Variants in RPS6KA5 observed in about 807,000 individuals in gnomAD.
The protein encoded by RPS6KA5 is ribosomal protein S6 kinase alpha-5.
RPS6KA5 carries 27 observed loss-of-function variants against 85.5 expected under a neutral mutation model. The ratio of observed to expected loss-of-function variants is 0.32; its 90% CI spans 0.23 to 0.44. The LOEUF (loss-of-function observed/expected upper bound fraction) is 0.44. Among genes scored for constraint, RPS6KA5 ranks in the 20% least tolerant of loss-of-function variants. The pLI is 1.00. For missense variants in RPS6KA5, 811 were observed against 980.9 expected, an observed-to-expected ratio of 0.83 and a Z score of 2.31; for synonymous variants, 334 against 348.2, an observed-to-expected ratio of 0.96 and a Z score of 0.46.
chr14:90,987,508 G>GA (rs1241867124), intron 2 of RPS6KA5, among the ~76,000 whole-genome samples: 13 of 152,040 alleles, frequency 8.6e-5, no homozygotes, highest in African/African-American at 1.9e-4. Flanking sequence ...AGATTGGAGG[G>GA]AAAAAAAGCT....
intron 7 of RPS6KA5, among the ~76,000 whole-genome samples, chr14:90,910,689 T>TA (rs1566729200): frequency 7.9e-4 from 110 of 138,482 alleles, no homozygotes; most frequent in South Asian, 4.0e-3. Flanking sequence ...ATTATTATTT[T>TA]TTTTTTTTTT....
intron 3 of RPS6KA5, among the ~76,000 whole-genome samples, chr14:90,975,188 T>TA (rs369751132): frequency 4.2e-4 from 62 of 147,378 alleles, no homozygotes; most frequent in African/African-American, 1.3e-3. Flanking sequence ...AACACATATT[T>TA]AAAAAAAAAA....
In RPS6KA5 at chr14:91,060,620, C is replaced by G. The variant is rs542600000; in HGVS notation, c.-186G>C. Reference sequence around the variant, plus strand: ...GCTCGCTCCTCGCCTCCTCCCCCTTCGGCGGGCACCGCTAGTACCGCGCAA... The same window carrying G: ...GCTCGCTCCTCGCCTCCTCCCCCTTGGGCGGGCACCGCTAGTACCGCGCAA... On this transcript the variant is annotated 5_prime_UTR_variant, in exon 1 of 17. Transcript: ENST00000614987. 7.7e-6 allele frequency: 6 copies of G among 778,052 alleles called. No homozygotes were observed. The highest frequency in any genetic ancestry group is 1.0e-5 in the Non-Finnish European group (6 of 574,432). 48.2% of individuals were successfully genotyped at this position (778,052 alleles called of 1,614,324 possible). A position where few individuals can be genotyped will look rare whatever the true frequency, so the allele number is the denominator to read the frequency against.
At chr14:90,925,830 A>C (rs1330644316) in intron 5 of RPS6KA5, among the ~76,000 whole-genome samples, 1 of 151,000 alleles carries the variant, frequency 6.6e-6, no homozygotes, top group Non-Finnish European at 1.5e-5. Flanking sequence ...AGTCCCAGCT[A>C]CTTGGGAGAC....
chr14:90,851,037 T>C lies in RPS6KA5; in HGVS notation c.*21037A>G, dbSNP rs547174517. ...CTACAGAGAAGTGGGTAAAGATACTTTTATTTTATTTTTTTTTTGAGACAG... is the reference window on the plus strand; with the variant it reads ...CTACAGAGAAGTGGGTAAAGATACTCTTATTTTATTTTTTTTTTGAGACAG... On this transcript the variant is annotated 3_prime_UTR_variant, in exon 17 of 17. Coordinates refer to ENST00000614987, the MANE Select transcript of RPS6KA5 (RefSeq NM_004755.4). 6.6e-6 allele frequency: 1 copy of C among 151,826 alleles called. No individual in the cohort carries two copies. The highest frequency in any genetic ancestry group is 2.1e-4 in the South Asian group (1 of 4,828). 9.4% of individuals were successfully genotyped at this position (151,826 alleles called of 1,614,324 possible).
chr14:90,998,806 T>C (rs558746396), intron 2 of RPS6KA5, among the ~76,000 whole-genome samples: 1 of 152,348 alleles, frequency 6.6e-6, no homozygotes, highest in East Asian at 1.9e-4. Context: ...TATTCACTGG[T>C]AGCTGTAAAG....
intron 2 of RPS6KA5, among the ~76,000 whole-genome samples, chr14:90,999,005 G>A (rs962412401): frequency 6.6e-6 from 1 of 152,156 alleles, no homozygotes; most frequent in African/African-American, 2.4e-5. Flanking sequence ...TGAGGAGGGT[G>A]GATCACGAGG....
chr14:90,947,103 A>AT (rs2037912472), intron 4 of RPS6KA5, among the ~76,000 whole-genome samples: 1 of 152,228 alleles, frequency 6.6e-6, no homozygotes, highest in Non-Finnish European at 1.5e-5. Context: ...AAGGAAATAC[A>AT]TATTATGACT....
rs1286261 is a variant in RPS6KA5 at position 90,879,781 on chromosome 14, A to G, written c.1837-4421T>C. Among the ~76,000 whole-genome samples, 42 of 128,958 alleles carry G rather than the reference A, an allele frequency of 3.3e-4. 1 individual carries two copies. The highest frequency in any genetic ancestry group is 1.1e-3 in the African/African-American group (36 of 32,914). The allele number at this position is 128,958 out of a possible 152,430, so 84.6% of individuals were successfully genotyped here. ...TAGAATATCTTTCTCTCCACTCCTA[A>G]TTTTTTTTTTTTTTTTTTTGAGTTG... On this transcript the variant is annotated intron_variant, in intron 14 of 16. Coordinates refer to ENST00000614987, the MANE Select transcript of RPS6KA5 (RefSeq NM_004755.4).
At chr14:90,989,887 G>A (rs1338519408) in intron 2 of RPS6KA5, among the ~76,000 whole-genome samples, 1 of 152,142 alleles carries the variant, frequency 6.6e-6, no homozygotes, top group African/African-American at 2.4e-5. Context: ...GGGCAACAGG[G>A]TTGGAAAAAT....
chr14:91,044,591 A>G (rs1368368854), intron 1 of RPS6KA5, among the ~76,000 whole-genome samples: 2 of 152,122 alleles, frequency 1.3e-5, no homozygotes, highest in African/African-American at 4.8e-5. Flanking sequence ...TTGAAGACCC[A>G]GGCTGGGTGC....
At chr14:90,896,594 T>TA (rs1049017250) in intron 12 of RPS6KA5, among the ~76,000 whole-genome samples, 5 of 152,156 alleles carry the variant, frequency 3.3e-5, no homozygotes, top group South Asian at 2.1e-4. Flanking sequence ...GGCAAGATCT[T>TA]AGAGTGATGC....
chr14:90,976,303 C>T (rs777635810), intron 3 of RPS6KA5, among the ~76,000 whole-genome samples: 1 of 151,320 alleles, frequency 6.6e-6, no homozygotes, highest in Non-Finnish European at 1.5e-5. Flanking sequence ...CAGCTTCTGA[C>T]TCGGACAACC....
intron 3 of RPS6KA5, among the ~76,000 whole-genome samples, chr14:90,975,854 G>C (rs977491085): frequency 3.9e-5 from 6 of 152,162 alleles, no homozygotes; most frequent in Non-Finnish European, 7.3e-5. Context: ...GAATAATTGT[G>C]TTAAATAAAT....
intron 2 of RPS6KA5, among the ~76,000 whole-genome samples, chr14:90,999,470 C>G (rs2040684384): frequency 6.6e-6 from 1 of 152,018 alleles, no homozygotes; most frequent in Non-Finnish European, 1.5e-5. Context: ...CCCTGGTCTT[C>G]CAGGAAAAGA....
At chr14:90,996,184 G>T (rs938993054) in intron 2 of RPS6KA5, among the ~76,000 whole-genome samples, 117 of 147,662 alleles carry the variant, frequency 7.9e-4, no homozygotes, top group African/African-American at 2.9e-3. Flanking sequence ...AGGCTAATTT[G>T]TTTTTTTTGT....
At chr14:90,902,425 C>T (rs2035221955) in intron 9 of RPS6KA5, among the ~76,000 whole-genome samples, 1 of 152,134 alleles carries the variant, frequency 6.6e-6, no homozygotes, top group Admixed American at 6.5e-5. Context: ...TCTGAGGCTG[C>T]AGTGAGCTAG....
At chr14:90,954,015 C>G (rs1362830277) in intron 3 of RPS6KA5, among the ~76,000 whole-genome samples, 1 of 152,148 alleles carries the variant, frequency 6.6e-6, no homozygotes, top group Non-Finnish European at 1.5e-5. Flanking sequence ...TCTAACACCC[C>G]CTCCCCTTTT....
rs139627086 is a variant in RPS6KA5 at position 90,939,687 on chromosome 14, T to C, written c.618+3391A>G. 5.1e-3 allele frequency among the ~76,000 whole-genome samples: 774 copies of C among 152,266 alleles called. 5 individuals carry two copies. Among genetic ancestry groups the C allele is most frequent in the African/African-American group, 0.017 (694 of 41,558 alleles). Reference sequence around the variant, plus strand: ...AAACCATTAGGTCTCGTGAGACTTATTCACTATCACAAGAATAGCATGAGA... The same window carrying C: ...AAACCATTAGGTCTCGTGAGACTTACTCACTATCACAAGAATAGCATGAGA... On this transcript the variant is annotated intron_variant, in intron 5 of 16. Transcript: ENST00000614987.
Sources: allele counts gnomAD v4.1 joint callset (sites outside exome capture counted in the v4.1 genomes callset), GRCh38; gene constraint gnomAD v4.1.1; transcripts MANE v1.5; gene names NCBI Gene and HGNC (gene_info 2026-07-23, HGNC 2026-07-21).